The following KDM2B variants were observed in gnomAD, a reference collection of about 807,000 sequenced individuals.
The protein encoded by KDM2B is lysine-specific demethylase 2B.
In KDM2B, 26 loss-of-function variants were observed where a neutral mutation model predicts 150.0. The observed-to-expected ratio is 0.17, with a 90% CI of 0.13 to 0.24. The LOEUF (loss-of-function observed/expected upper bound fraction) is 0.24, where lower values mean the gene tolerates loss of function less well. Among genes scored for constraint, KDM2B ranks in the 10% least tolerant of loss-of-function variants. The probability of loss-of-function intolerance (pLI) is 1.00; values close to 1 mark genes in which losing one functional copy is unlikely to be tolerated. For missense variants in KDM2B, 1,265 were observed against 1,816.9 expected, an observed-to-expected ratio of 0.70 and a Z score of 5.52; for synonymous variants, 734 against 729.5, an observed-to-expected ratio of 1.01 and a Z score of -0.10.
rs781792786 is a variant in KDM2B, at chr12:121,430,170, A to G, written c.*118T>C. 6.2e-7 allele frequency: 1 copy of G among 1,614,100 alleles called. No individual in the cohort carries two copies. Reference sequence around the variant, plus strand: ...AGCTTCTCCCTTGGAAAGACTTGCAAAATGGAATTGCGTTGTGGTCTGTTG... The same window carrying G: ...AGCTTCTCCCTTGGAAAGACTTGCAGAATGGAATTGCGTTGTGGTCTGTTG... On this transcript the variant is annotated 3_prime_UTR_variant, in exon 23 of 23. Transcript: ENST00000377071. This position sits in a 1 kb window ranked among gnomAD's most constrained non-coding sequence, Gnocchi z 4.4.
downstream of KDM2B, among the ~76,000 whole-genome samples, chr12:121,425,908 A>C (rs1593685743): frequency 6.6e-6 from 1 of 152,102 alleles, no homozygotes; most frequent in Middle Eastern, 3.4e-3. Flanking sequence ...CTGGGACTAC[A>C]GGCACCCGCC....
upstream of KDM2B, among the ~76,000 whole-genome samples, chr12:121,582,265 G>C (rs1316343544): frequency 6.7e-6 from 1 of 149,866 alleles, no homozygotes; most frequent in Non-Finnish European, 1.5e-5. Context: ...ATGTGCCGCT[G>C]CCAGGGCTCA....
intron 12 of KDM2B, among the ~76,000 whole-genome samples, chr12:121,463,230 C>T (rs561085668): frequency 6.6e-5 from 10 of 152,006 alleles, no homozygotes; most frequent in Admixed American, 2.0e-4. Flanking sequence ...CAGGAAAAAT[C>T]GCTTGAACCC....
intron 2 of KDM2B, among the ~76,000 whole-genome samples, chr12:121,577,311 T>C (rs1187657980): frequency 6.6e-6 from 1 of 151,714 alleles, no homozygotes; most frequent in Non-Finnish European, 1.5e-5. Context: ...TCCTCCCAAA[T>C]GACTAGGAAG....
Position 121,502,507 on chromosome 12 carries a change from G to C in KDM2B, c.1647+7060C>G, listed in dbSNP as rs542207641. Among the ~76,000 whole-genome samples the C allele has an allele frequency of 5.3e-5, 8 of 152,130 alleles. No individual in the cohort carries two copies. The East Asian group carries it at 1.5e-3, about 29-fold the overall frequency. On this transcript the variant is annotated intron_variant, in intron 11 of 22. Transcript: ENST00000377071. ...GTGGTGGCGCATGCCTGTAATCCCAGCTACTTGGGAAGCTGAGGCAGGAGA... is the reference window on the plus strand; with the variant it reads ...GTGGTGGCGCATGCCTGTAATCCCACCTACTTGGGAAGCTGAGGCAGGAGA...
In KDM2B at chr12:121,430,896, T is replaced by TA. The variant is rs1316097190; in HGVS notation, c.3830-428dup. Among the ~76,000 whole-genome samples, 1 of 152,224 alleles carries TA rather than the reference T, an allele frequency of 6.6e-6. No individual in the cohort carries two copies. Among genetic ancestry groups the TA allele is most frequent in the Non-Finnish European group, 1.5e-5 (1 of 68,042 alleles). On this transcript the variant is annotated intron_variant, in intron 22 of 22. Coordinates refer to ENST00000377071, the MANE Select transcript of KDM2B (RefSeq NM_032590.5). This position sits in a 1 kb window ranked among gnomAD's most constrained non-coding sequence, Gnocchi z 4.4. The stretch of plus-strand genomic sequence containing the variant: ...CATTTATTTGCCTCCTCCCTTCAGA[T>TA]AAATTCCCAGAGGGGCATTGCTGGG...
At chr12:121,574,429 C>T in intron 4 of KDM2B, 118 bp downstream of exon 4, 1 of 905,210 alleles carries the variant, frequency 1.1e-6, no homozygotes, top group Non-Finnish European at 1.8e-6. Flanking sequence ...CTCCTGCCTT[C>T]TCCCGTGGGG....
chr12:121,476,977 A>G (rs1881455227), intron 12 of KDM2B, among the ~76,000 whole-genome samples: 1 of 152,240 alleles, frequency 6.6e-6, no homozygotes, highest in Non-Finnish European at 1.5e-5. Context: ...GGGTAGCCCC[A>G]GTTGACAAGG....
chr12:121,541,776 T>G (rs1338522052), intron 6 of KDM2B, among the ~76,000 whole-genome samples: 1 of 152,146 alleles, frequency 6.6e-6, no homozygotes, highest in Non-Finnish European at 1.5e-5. Flanking sequence ...TTACTGCTTG[T>G]CAGATCACAG....
intron 12 of KDM2B, among the ~76,000 whole-genome samples, chr12:121,454,784 T>C (rs7139144): frequency 4.8e-4 from 73 of 152,230 alleles, no homozygotes; most frequent in African/African-American, 1.6e-3. Flanking sequence ...TGACTTGTCA[T>C]ACTTGAATCC....
Position 121,430,260 on chromosome 12 carries a change from G to T in KDM2B, c.*28C>A, listed in dbSNP as rs111862260. 3 of 1,611,460 alleles carry T rather than the reference G, an allele frequency of 1.9e-6. No individual in the cohort carries two copies. In the South Asian group the frequency reaches 3.3e-5, roughly 18 times the overall value. ...TAAAGTCTCTCCCCTCCCAGAGCCC[G>T]CCCCGTATTTACATACTTATCCTTG... On this transcript the variant is annotated 3_prime_UTR_variant, in exon 23 of 23. Coordinates refer to ENST00000377071, the MANE Select transcript of KDM2B (RefSeq NM_032590.5). The surrounding 1 kb of genome is among the most constrained non-coding windows in gnomAD (Gnocchi z 4.4).
chr12:121,472,501 C>A (rs960346764), intron 12 of KDM2B, among the ~76,000 whole-genome samples: 1 of 152,196 alleles, frequency 6.6e-6, no homozygotes, highest in Non-Finnish European at 1.5e-5. Context: ...CATTTAAAAA[C>A]CACATATATT....
At chr12:121,506,328 G>T (rs7313015) in intron 11 of KDM2B, among the ~76,000 whole-genome samples, 13,251 of 152,088 alleles carry the variant, frequency 0.087, 1,317 homozygotes, top group African/African-American at 0.24. Flanking sequence ...CAGGGAGAGT[G>T]AGGGGCTAAT....
chr12:121,489,526 G>A (rs553791535), intron 12 of KDM2B, among the ~76,000 whole-genome samples: 5 of 152,134 alleles, frequency 3.3e-5, no homozygotes, highest in South Asian at 4.2e-4. Context: ...TGCAACCTCC[G>A]CCTCACAGGT....
At chr12:121,556,504 C>T (rs540616935) in intron 4 of KDM2B, among the ~76,000 whole-genome samples, 4 of 152,288 alleles carry the variant, frequency 2.6e-5, no homozygotes, top group East Asian at 1.9e-4. Context: ...GATGCTGGCT[C>T]CATGCTTCCT....
intron 6 of KDM2B, among the ~76,000 whole-genome samples, chr12:121,538,539 C>A (rs191582827): frequency 6.6e-6 from 1 of 152,312 alleles, no homozygotes; most frequent in East Asian, 1.9e-4. Context: ...TTTACCACCC[C>A]TTCCCCTGCC....
intron 8 of KDM2B, among the ~76,000 whole-genome samples, chr12:121,523,755 C>A (rs1363648629): frequency 2.0e-5 from 3 of 152,242 alleles, no homozygotes; most frequent in African/African-American, 7.2e-5. Flanking sequence ...CTGCCGGGTA[C>A]AGGCACGAGG....
chr12:121,580,361 G>C (rs1208023547), intron 1 of KDM2B: 23 of 1,142,712 alleles, frequency 2.0e-5, no homozygotes, highest in Middle Eastern at 3.6e-4. Flanking sequence ...CCCGGGCTTG[G>C]GGGGGTGGGG....
chr12:121,527,884 C>T (rs955262965), intron 8 of KDM2B, among the ~76,000 whole-genome samples: 4 of 152,130 alleles, frequency 2.6e-5, no homozygotes, highest in African/African-American at 9.7e-5. Flanking sequence ...GTGGGGAGGC[C>T]GAGCCTGCAA....
Sources: gnomAD v4.1 joint callset for allele counts (sites outside exome capture counted in the v4.1 genomes callset) on GRCh38, gnomAD v4.1.1 for gene constraint, Gnocchi (gnomAD v3.1) non-coding constraint, MANE v1.5 for transcripts, NCBI Gene and HGNC (gene_info 2026-07-23, HGNC 2026-07-21) for gene names.